LCTL: variants seen among roughly 807,000 people sequenced by gnomAD.
LCTL encodes the protein lactase like.
In LCTL, 76 loss-of-function variants were observed where a neutral mutation model predicts 75.8. The ratio of observed to expected loss-of-function variants is 1.00; its 90% CI spans 0.83 to 1.21. The LOEUF is 1.21. LCTL is among the 50% of genes most tolerant of loss of function. The probability of loss-of-function intolerance (pLI) is 0.00; values close to 1 mark genes in which losing one functional copy is unlikely to be tolerated. For missense variants in LCTL, 670 were observed against 712.4 expected, an observed-to-expected ratio of 0.94 and a Z score of 0.68; for synonymous variants, 271 against 268.8, an observed-to-expected ratio of 1.01 and a Z score of -0.08.
At chr15:66,565,211 C>G (rs1895994472) in intron 1 of LCTL, 37 bp downstream of exon 2, 3 of 1,403,670 alleles carry the variant, frequency 2.1e-6, no homozygotes, top group Non-Finnish European at 3.0e-6. Context: ...AGGTGGACGA[C>G]AGACAGGCAG....
chr15:66,557,876 C>A (rs1203300735), exon 8 of LCTL: 2 of 1,613,770 alleles, frequency 1.2e-6, no homozygotes, highest in Non-Finnish European at 1.7e-6. Flanking sequence ...ATGAAATTCC[C>A]ACCAGACCTT....
chr15:66,560,826 A>G (rs1895867047), intron 6 of LCTL, among the ~76,000 whole-genome samples, 180 bp downstream of exon 7: 2 of 152,144 alleles, frequency 1.3e-5, no homozygotes, highest in Admixed American at 6.5e-5. Flanking sequence ...GCTCAGCCAT[A>G]GTGTCCCCCA....
chr15:66,564,794 G>C, exon 2 of LCTL: 1 of 1,613,482 alleles, frequency 6.2e-7, no homozygotes, highest in Non-Finnish European at 8.5e-7. Flanking sequence ...CTGGTCCCAG[G>C]CGCCCTCCGT....
At chr15:66,560,295 C>A (rs1163136948) in intron 6 of LCTL, among the ~76,000 whole-genome samples, 1 of 152,080 alleles carries the variant, frequency 6.6e-6, no homozygotes, top group African/African-American at 2.4e-5. Context: ...GCCTCGTATC[C>A]CTGTTCTCCA....
At position 66,561,105 on chromosome 15, in the gene LCTL, T is replaced by C; in HGVS notation, c.610-4A>G. 1.2e-6 allele frequency: 2 copies of C among 1,614,070 alleles called. No individual in the cohort carries two copies. The highest frequency in any genetic ancestry group is 1.7e-6 in the Non-Finnish European group (2 of 1,179,994). Reference sequence around the variant, plus strand: ...CATAGCCTTTTTCTGCCATTGCCTATAGGGACAGCAAGCAGGACCACAGGA... The same window carrying C: ...CATAGCCTTTTTCTGCCATTGCCTACAGGGACAGCAAGCAGGACCACAGGA... On this transcript the variant is annotated splice_polypyrimidine_tract_variant and splice_region_variant and intron_variant, in intron 5 of 12. Coordinates refer to ENST00000341509, the Ensembl canonical transcript of LCTL.
In LCTL at chr15:66,556,625, C is replaced by G. The variant is rs1895745474; in HGVS notation, c.922+1097G>C. Among the ~76,000 whole-genome samples, 3 of 152,158 alleles carry G rather than the reference C, an allele frequency of 2.0e-5. No individual in the cohort carries two copies. The South Asian group carries it at 6.2e-4, about 32-fold the overall frequency. On this transcript the variant is annotated intron_variant, in intron 8 of 12. Transcript: ENST00000341509. ...CGGCTGACAATGGAATATTATTCAG[C>G]CTTAAAAAGGAAGGAAATTCTGACA... is the stretch of plus-strand genomic sequence containing the variant.
exon 8 of LCTL, chr15:66,557,799 T>C (rs1595706988): frequency 6.2e-7 from 1 of 1,613,982 alleles, no homozygotes; most frequent in African/African-American, 1.3e-5. Context: ...GAACTGTAGG[T>C]ATCTCTCGGC....
rs1189852196 is a variant in LCTL, at chr15:66,562,413, A to C, written c.481-1098T>G. Reference sequence around the variant, plus strand: ...GCAGGACTCCATCTCAAAAAAAAAAAAAAACAAAAGAAAGAAAATATTGCT... The same window carrying C: ...GCAGGACTCCATCTCAAAAAAAAAACAAAACAAAAGAAAGAAAATATTGCT... On this transcript the variant is annotated intron_variant, in intron 4 of 12. Transcript: ENST00000341509. Among the ~76,000 whole-genome samples, 7 of 152,118 alleles carry C rather than the reference A, an allele frequency of 4.6e-5. 1 individual carries two copies. In the South Asian group the frequency reaches 1.0e-3, roughly 22 times the overall value.
intron 7 of LCTL, 41 bp from the exon 9 acceptor site, chr15:66,557,924 G>A (rs1256037953): frequency 6.2e-7 from 1 of 1,610,078 alleles, no homozygotes; most frequent in Non-Finnish European, 8.5e-7. Context: ...GAGTGGGCAT[G>A]CCATTGCTGC....
chr15:66,551,823 A>G, exon 11 of LCTL: 2 of 1,613,922 alleles, frequency 1.2e-6, no homozygotes, highest in Non-Finnish European at 1.7e-6. Flanking sequence ...AACAGAGACC[A>G]GGAAGTATAC....
At chr15:66,551,806 C>G (rs185055137) in exon 11 of LCTL, 1 of 1,613,984 alleles carries the variant, frequency 6.2e-7, no homozygotes, top group Non-Finnish European at 8.5e-7. Context: ...CCCATTCAAA[C>G]TTATCCAACA....
intron 6 of LCTL, among the ~76,000 whole-genome samples, chr15:66,558,683 GTGTGTT>G (rs1895800922): frequency 3.5e-5 from 3 of 86,506 alleles, no homozygotes; most frequent in Non-Finnish European, 5.0e-5. Context: ...GTGTGTGTGT[GTGTGTT>G]TTTTTTTTTT....
At chr15:66,549,950 C>G in intron 12 of LCTL, 91 bp downstream of exon 13, 1 of 816,282 alleles carries the variant, frequency 1.2e-6, no homozygotes, top group Non-Finnish European at 1.8e-6. Context: ...AGATTGACTT[C>G]AAGTAGAGCC....
exon 1 of LCTL, chr15:66,565,259 G>A (rs759158270): frequency 1.9e-6 from 3 of 1,609,228 alleles, no homozygotes; most frequent in Non-Finnish European, 2.6e-6. Context: ...AAGAGGGAAG[G>A]TTCCATAGTA....
At chr15:66,562,264 G>A (rs554499659) in intron 4 of LCTL, among the ~76,000 whole-genome samples, 9 of 151,996 alleles carry the variant, frequency 5.9e-5, no homozygotes, top group Non-Finnish European at 1.2e-4. Context: ...TTAGCCGGGC[G>A]TGGTGGCACA....
intron 6 of LCTL, among the ~76,000 whole-genome samples, chr15:66,560,437 T>G (rs768133018): frequency 1.3e-5 from 2 of 152,190 alleles, no homozygotes; most frequent in Non-Finnish European, 2.9e-5. Flanking sequence ...CTTGTGTGAC[T>G]GATGCCTGCT....
intron 4 of LCTL, among the ~76,000 whole-genome samples, chr15:66,562,688 G>A (rs975594511): frequency 6.6e-6 from 1 of 151,588 alleles, no homozygotes; most frequent in Non-Finnish European, 1.5e-5. Context: ...GGGTTCAAGC[G>A]ATTGTCCTGC....
intron 1 of LCTL, 59 bp downstream of exon 2, chr15:66,565,189 G>T: frequency 8.7e-7 from 1 of 1,146,168 alleles, no homozygotes; most frequent in Non-Finnish European, 1.3e-6. Context: ...TGTCAAGTCA[G>T]CCAAAGTGGG....
chr15:66,554,545 C>G (rs1187840657), intron 8 of LCTL, among the ~76,000 whole-genome samples: 1 of 152,166 alleles, frequency 6.6e-6, no homozygotes, highest in East Asian at 1.9e-4. Context: ...TATCTTTGTC[C>G]CATCTTTCAA....
Sources: gnomAD v4.1 joint callset for allele counts (sites outside exome capture counted in the v4.1 genomes callset) on GRCh38, gnomAD v4.1.1 for gene constraint, MANE v1.5 for transcripts, NCBI Gene and HGNC (gene_info 2026-07-23, HGNC 2026-07-21) for gene names.